Variants in ZNF236 observed in about 807,000 individuals in gnomAD.
ZNF236 encodes the protein zinc finger protein 236, also known as regulated by glucose.
Under a neutral mutation model 191.2 loss-of-function variants are expected in ZNF236, and 50 were observed. The observed-to-expected ratio is 0.26, with a 90% CI of 0.21 to 0.33. The LOEUF is 0.33. Among genes scored for constraint, ZNF236 ranks in the 10% least tolerant of loss-of-function variants. The pLI, the probability that ZNF236 is intolerant of heterozygous loss-of-function variation, is 1.00. For missense variants in ZNF236, 1,754 were observed against 2,374.5 expected (o/e 0.74, Z 5.43); for synonymous variants, 907 against 928.8 (o/e 0.98, Z 0.43).
chr18:76,910,249 T>TTCTCTTAAGGCCCTTCTAAAGTGTA, intron 15 of ZNF236, 80 bp downstream of exon 15: 1 of 1,226,360 alleles, frequency 8.2e-7, no homozygotes, highest in Non-Finnish European at 1.2e-6. Flanking sequence ...CTTACATGTT[T>TTCTCTTAAGGCCCTTCTAAAGTGTA]TCTCTTAAGG....
chr18:76,853,489 AT>A (rs1975943912), intron 3 of ZNF236, among the ~76,000 whole-genome samples: 1 of 152,164 alleles, frequency 6.6e-6, no homozygotes. Context: ...ATGCATATTT[AT>A]TTTGGAAAAA....
At chr18:76,920,957 G>T (rs1256641207) in intron 20 of ZNF236, among the ~76,000 whole-genome samples, 1 of 152,210 alleles carries the variant, frequency 6.6e-6, no homozygotes, top group Non-Finnish European at 1.5e-5. Context: ...ATATAACAGG[G>T]ATGCTTATGT....
chr18:76,858,612 A>C lies in ZNF236; in HGVS notation c.363+6673A>C, dbSNP rs115906625. On this transcript the variant is annotated intron_variant, in intron 3 of 30. Transcript: ENST00000320610. ...GATACTTCTCTTTTGACCCTGGAAG[A>C]AGTGGAAGAGGGCTCAGGTGGAGGC... Among the ~76,000 whole-genome samples the C allele has an allele frequency of 4.9e-3, 741 of 152,254 alleles. 6 individuals carry two copies. The highest frequency in any genetic ancestry group is 0.017 in the African/African-American group (708 of 41,544).
chr18:76,924,496 C>A (rs759727212), intron 21 of ZNF236, among the ~76,000 whole-genome samples: 1 of 152,182 alleles, frequency 6.6e-6, no homozygotes, highest in Non-Finnish European at 1.5e-5. Flanking sequence ...TCCTAGTGTG[C>A]ACCATCCTGT....
Position 76,956,150 on chromosome 18 carries a change from A to C in ZNF236, c.5080A>C (p.Arg1694=). 1 of 1,562,134 alleles carries C rather than the reference A, an allele frequency of 6.4e-7. No individual in the cohort carries two copies. The highest frequency in any genetic ancestry group is 8.7e-7 in the Non-Finnish European group (1 of 1,154,552). ...GCGCATCCACGGCTGCCCCGTGTGCAGGAAGGCCTTCAAGCGCGCCACGCA... is the reference window on the plus strand; with the variant it reads ...GCGCATCCACGGCTGCCCCGTGTGCCGGAAGGCCTTCAAGCGCGCCACGCA... ...RERIHGCPVC[R]KAFKRATHLK... Residue 1694 remains arginine, a synonymous_variant, in exon 28 of 31, where the codon AGG becomes CGG. Coordinates refer to ENST00000320610, the MANE Select transcript of ZNF236 (RefSeq NM_001306089.2).
In ZNF236 at chr18:76,928,194, G is replaced by A. The variant is rs1599403251; in HGVS notation, c.4594+88G>A. 5 of 1,066,456 alleles carry A rather than the reference G, an allele frequency of 4.7e-6. No homozygotes were observed. The South Asian group carries it at 8.4e-5, about 18-fold the overall frequency. 66.1% of individuals were successfully genotyped at this position (1,066,456 alleles called of 1,614,324 possible). A position where few individuals can be genotyped will look rare whatever the true frequency, so the allele number is the denominator to read the frequency against. The stretch of plus-strand genomic sequence containing the variant: ...ATCTCTTTTCCTACAATACTCTGCT[G>A]TGCATAAAGCCCGTGCTCAATATGT... On this transcript the variant is annotated intron_variant, in intron 25 of 30. Coordinates refer to ENST00000320610, the MANE Select transcript of ZNF236 (RefSeq NM_001306089.2).
chr18:76,900,358 G>C (rs1166706971), intron 11 of ZNF236, among the ~76,000 whole-genome samples: 1 of 152,158 alleles, frequency 6.6e-6, no homozygotes, highest in Non-Finnish European at 1.5e-5. Context: ...TCCTCAATTA[G>C]ACAGGTCAAC....
chr18:76,954,973 A>G (rs980675095), intron 27 of ZNF236, among the ~76,000 whole-genome samples: 2 of 152,158 alleles, frequency 1.3e-5, no homozygotes, highest in Non-Finnish European at 2.9e-5. Context: ...ATGTTTACTT[A>G]TTTCTTATAT....
chr18:76,958,071 G>A (rs997633796), intron 28 of ZNF236, among the ~76,000 whole-genome samples: 3 of 152,150 alleles, frequency 2.0e-5, no homozygotes, highest in East Asian at 1.9e-4. Context: ...GGCCATGTTG[G>A]GGGGCTCTGC....
At chr18:76,852,637 CAA>C (rs34349493) in intron 3 of ZNF236, among the ~76,000 whole-genome samples, 2 of 133,570 alleles carry the variant, frequency 1.5e-5, no homozygotes, top group Admixed American at 1.5e-4. Flanking sequence ...CCATCTCTAC[CAA>C]AAAAAAAAAA....
At chr18:76,854,726 A>G (rs1273822026) in intron 3 of ZNF236, among the ~76,000 whole-genome samples, 1 of 152,150 alleles carries the variant, frequency 6.6e-6, no homozygotes, top group African/African-American at 2.4e-5. Flanking sequence ...TGCATCTTTA[A>G]TTATTTCCTT....
At chr18:76,961,328 C>A (rs1285940542) in intron 30 of ZNF236, among the ~76,000 whole-genome samples, 1 of 151,296 alleles carries the variant, frequency 6.6e-6, no homozygotes, top group Non-Finnish European at 1.5e-5. Flanking sequence ...GTTGCAGATG[C>A]TATTAATTCA....
At position 76,851,849 on chromosome 18, in the gene ZNF236, C is replaced by T. The variant is rs773266050; in HGVS notation, c.273C>T (p.Ser91=). The change falls in exon 3 of 31, where the codon AGC becomes AGT. Residue 91 remains serine, a synonymous_variant. Transcript: ENST00000320610. Reference sequence around the variant, plus strand: ...TGACACTTCATAAATGCACCCACAGCGGGGAAGATCCTACCTGCCCTGTGT... The same window carrying T: ...TGACACTTCATAAATGCACCCACAGTGGGGAAGATCCTACCTGCCCTGTGT... ...FNLTLHKCTH[S]GEDPTCPVCN... is the part of the protein sequence containing the mutation. The T allele has an allele frequency of 1.4e-5, 23 of 1,613,872 alleles. No homozygotes were observed. The highest frequency in any genetic ancestry group is 1.2e-4 in the African/African-American group (9 of 74,902).
At chr18:76,901,622 G>A (rs1469964402) in intron 11 of ZNF236, among the ~76,000 whole-genome samples, 1 of 152,090 alleles carries the variant, frequency 6.6e-6, no homozygotes, top group Non-Finnish European at 1.5e-5. Context: ...GCCGGGCGTG[G>A]TGGCAGGCAC....
chr18:76,961,639 A>G (rs945445145), intron 30 of ZNF236, among the ~76,000 whole-genome samples: 1 of 152,172 alleles, frequency 6.6e-6, no homozygotes, highest in Non-Finnish European at 1.5e-5. Flanking sequence ...GAATCTCTAC[A>G]CTGTTTTCCA....
intron 3 of ZNF236, 37 bp downstream of exon 3, chr18:76,851,976 A>G (rs1172871255): frequency 5.8e-6 from 9 of 1,555,796 alleles, no homozygotes; most frequent in African/African-American, 1.4e-5. Context: ...TTGTTAACTG[A>G]TTGTTAAAAT....
Position 76,925,527 on chromosome 18 carries a change from C to T in ZNF236, c.4000C>T (p.Gln1334Ter). 6.2e-7 allele frequency: 1 copy of T among 1,613,566 alleles called. No homozygotes were observed. The highest frequency in any genetic ancestry group is 2.2e-5 in the East Asian group (1 of 44,876). ...TCTGCTGCAACCAGGACTGGTGGGC[C>T]AAGCTATTCTCCCTGCCTCTGTGTC... ...QNLLQPGLVG[Q>*]AILPASVSAG... The change falls in exon 22 of 31, where the codon CAA becomes TAA. Residue 1334 changes from glutamine (Q) to a stop codon, truncating the protein, a stop_gained. Coordinates refer to ENST00000320610, the MANE Select transcript of ZNF236 (RefSeq NM_001306089.2). LOFTEE classifies it high-confidence loss of function. This position sits in a 1 kb window ranked among gnomAD's most constrained non-coding sequence, Gnocchi z 5.7.
intron 13 of ZNF236, among the ~76,000 whole-genome samples, chr18:76,906,537 G>A (rs1244478390): frequency 2.0e-5 from 3 of 152,150 alleles, no homozygotes; most frequent in East Asian, 1.9e-4. Flanking sequence ...GAGCTTGGGC[G>A]CTTGCTTGCT....
At chr18:76,908,760 T>C (rs1315473397) in intron 14 of ZNF236, among the ~76,000 whole-genome samples, 187 bp downstream of exon 14, 1 of 152,240 alleles carries the variant, frequency 6.6e-6, no homozygotes, top group Non-Finnish European at 1.5e-5. Flanking sequence ...TACTTTTCAA[T>C]TTTATTAGAT....
Sources: allele counts gnomAD v4.1 joint callset (sites outside exome capture counted in the v4.1 genomes callset), GRCh38; gene constraint gnomAD v4.1.1; non-coding constraint Gnocchi (gnomAD v3.1); transcripts MANE v1.5; gene names NCBI Gene and HGNC (gene_info 2026-07-23, HGNC 2026-07-21).